Variants in SGCD observed in about 807,000 individuals in gnomAD.
The protein encoded by SGCD is delta-sarcoglycan.
SGCD carries 18 observed loss-of-function variants against 36.6 expected under a neutral mutation model. The ratio of observed to expected loss-of-function variants is 0.49; its 90% CI spans 0.34 to 0.73. The LOEUF (loss-of-function observed/expected upper bound fraction) is 0.73, where lower values mean the gene tolerates loss of function less well. Ranked by LOEUF, SGCD falls within the 30% of genes least tolerant of loss-of-function variation. The pLI is 0.01. For synonymous variants in SGCD, 133 were observed against 130.6 expected (o/e 1.02, Z -0.12); for missense variants, 387 against 346.7 (o/e 1.12, Z -0.92).
At chr5:156,508,830 G>C (rs1424413168) in intron 4 of SGCD, 128 bp downstream of exon 4, 3 of 548,746 alleles carry the variant, frequency 5.5e-6, no homozygotes, top group Non-Finnish European at 9.6e-6. Context: ...AGATGAATTT[G>C]CTTTCTCTTC....
intron 3 of SGCD, among the ~76,000 whole-genome samples, chr5:156,307,675 C>G (rs184227818): frequency 3.2e-3 from 451 of 140,138 alleles, no homozygotes; most frequent in African/African-American, 0.012. Context: ...TCATGTTATT[C>G]TTTAACTATT....
chr5:156,123,655 A>G (rs1173314420), intron 2 of SGCD, among the ~76,000 whole-genome samples: 2 of 152,148 alleles, frequency 1.3e-5, no homozygotes, highest in African/African-American at 4.8e-5. Flanking sequence ...CAGCCTTGAT[A>G]TACTATGAAA....
chr5:155,837,085 T>G, the SGCD span, among the ~76,000 whole-genome samples: 1 of 152,260 alleles, frequency 6.6e-6, no homozygotes. Context: ...TGTGACATGT[T>G]ATTTTTTCCT....
the SGCD span, among the ~76,000 whole-genome samples, chr5:155,805,514 G>A: frequency 8.5e-5 from 13 of 152,146 alleles, no homozygotes; most frequent in Non-Finnish European, 7.4e-5. Context: ...TTTCCTTTGG[G>A]GGTCTGTCCT....
At chr5:156,470,489 C>T in intron 3 of SGCD, among the ~76,000 whole-genome samples, 1 of 152,058 alleles carries the variant, frequency 6.6e-6, no homozygotes, top group East Asian at 1.9e-4. Flanking sequence ...GCTATCCCTC[C>T]CCCCTACCCC....
chr5:156,713,921 G>A (rs1755110587), intron 7 of SGCD, among the ~76,000 whole-genome samples: 1 of 152,238 alleles, frequency 6.6e-6, no homozygotes, highest in Non-Finnish European at 1.5e-5. Context: ...AGCTCAAAGA[G>A]CTAATTGTGG....
chr5:156,746,935 CAT>C (rs1323495227), intron 7 of SGCD, among the ~76,000 whole-genome samples: 15 of 151,742 alleles, frequency 9.9e-5, no homozygotes, highest in Non-Finnish European at 2.1e-4. Context: ...TAAAGAAACT[CAT>C]AGATTGGGAG....
chr5:156,588,945 G>C (rs280475), intron 4 of SGCD, among the ~76,000 whole-genome samples: 1 of 151,006 alleles, frequency 6.6e-6, no homozygotes, highest in African/African-American at 2.4e-5. Context: ...AATTTTCTCT[G>C]ATTCAACCAT....
Position 156,492,951 on chromosome 5 carries a change from T to C in SGCD, c.193-15650T>C, listed in dbSNP as rs145021670. On this transcript the variant is annotated intron_variant, in intron 3 of 8. Coordinates refer to ENST00000337851, the MANE Select transcript of SGCD (RefSeq NM_000337.6). ...GTGTATATGTGCCACATTTTCTTTATCCAGTCTATCATTGATGGGCATTTG... is the reference window on the plus strand; with the variant it reads ...GTGTATATGTGCCACATTTTCTTTACCCAGTCTATCATTGATGGGCATTTG... Among the ~76,000 whole-genome samples, 18 of 152,318 alleles carry C rather than the reference T, an allele frequency of 1.2e-4. No homozygotes were observed. In the East Asian group the frequency reaches 3.5e-3, roughly 29 times the overall value.
intron 3 of SGCD, among the ~76,000 whole-genome samples, chr5:156,252,779 T>C (rs1288208671): frequency 6.6e-6 from 1 of 152,182 alleles, no homozygotes; most frequent in African/African-American, 2.4e-5. Flanking sequence ...TTAGATTACA[T>C]AATATATAGT....
the SGCD span, among the ~76,000 whole-genome samples, chr5:155,835,381 T>C: frequency 1.3e-5 from 2 of 152,092 alleles, no homozygotes; most frequent in African/African-American, 2.4e-5. Context: ...ATGCAAACAA[T>C]CTACAGAAAT....
rs70984404 is a variant in SGCD at position 156,333,783 on chromosome 5, A to ATTTTTTTTTTTTTTTTTTTT, written c.3+4222_3+4241dup. ...GTGCTTTCTTTATGTTAGAAAAGTG[A>ATTTTTTTTTTTTTTTTTTTT]TTTTTTTTTTTTTTTTTTTTTTTTT... On this transcript the variant is annotated intron_variant, in intron 2 of 8. Transcript: ENST00000337851. Among the ~76,000 whole-genome samples the ATTTTTTTTTTTTTTTTTTTT allele has an allele frequency of 8.5e-4, 17 of 19,966 alleles. 3 individuals carry two copies. The highest frequency in any genetic ancestry group is 2.3e-3 in the Admixed American group (3 of 1,310). 13.1% of individuals were successfully genotyped at this position (19,966 alleles called of 152,430 possible).
chr5:155,852,100 T>C, the SGCD span, among the ~76,000 whole-genome samples: 1 of 152,360 alleles, frequency 6.6e-6, no homozygotes, highest in South Asian at 2.1e-4. Context: ...AACACTGGCA[T>C]GGCATTTTGC....
At chr5:156,563,557 A>G (rs1759356328) in intron 4 of SGCD, among the ~76,000 whole-genome samples, 1 of 152,222 alleles carries the variant, frequency 6.6e-6, no homozygotes, top group Non-Finnish European at 1.5e-5. Flanking sequence ...TCCCCCAAAG[A>G]TAGTTCTTAC....
At chr5:156,129,016 T>A (rs1762247086) in intron 3 of SGCD, among the ~76,000 whole-genome samples, 1 of 152,126 alleles carries the variant, frequency 6.6e-6, no homozygotes, top group Non-Finnish European at 1.5e-5. Flanking sequence ...AGAACTAATC[T>A]ATGATGACAG....
rs57538042 is a variant in SGCD, at chr5:155,984,343, A to G, written c.-282+113919A>G. On this transcript the variant is annotated intron_variant, in intron 1 of 9. Transcript: ENST00000517913. ...AATACCAAGTGTAGGGGTTTTTCCT[A>G]AATCTGTTCGTGATCTAAAATGTGG... Among the ~76,000 whole-genome samples the G allele has an allele frequency of 2.2e-3, 332 of 152,234 alleles. 2 individuals are homozygous for G. The highest frequency in any genetic ancestry group is 7.4e-3 in the African/African-American group (306 of 41,540).
At chr5:156,258,402 A>G (rs981093847) in intron 3 of SGCD, among the ~76,000 whole-genome samples, 2 of 152,214 alleles carry the variant, frequency 1.3e-5, no homozygotes, top group African/African-American at 4.8e-5. Flanking sequence ...TCAAAGTAAA[A>G]GGAGGACCAA....
At chr5:155,862,220 C>T in the SGCD span, among the ~76,000 whole-genome samples, 1 of 152,088 alleles carries the variant, frequency 6.6e-6, no homozygotes, top group Non-Finnish European at 1.5e-5. Flanking sequence ...TTTATAGTTA[C>T]TTTTTCTAAA....
the SGCD span, among the ~76,000 whole-genome samples, chr5:155,802,410 G>A: frequency 3.9e-5 from 6 of 152,108 alleles, no homozygotes; most frequent in South Asian, 2.1e-4. Context: ...ACATAGTAAC[G>A]AATTCTACCT....
Sources: allele counts gnomAD v4.1 joint callset (sites outside exome capture counted in the v4.1 genomes callset), GRCh38; gene constraint gnomAD v4.1.1; transcripts MANE v1.5; gene names NCBI Gene and HGNC (gene_info 2026-07-23, HGNC 2026-07-21).